Variants in SNX18 observed in about 807,000 individuals in gnomAD.
SNX18 encodes the protein sorting nexin-18.
In SNX18, 35 loss-of-function variants were observed where a neutral mutation model predicts 48.7. The ratio of observed to expected loss-of-function variants is 0.72; its 90% CI spans 0.55 to 0.95. SNX18 has a LOEUF of 0.95. Among genes scored for constraint, SNX18 ranks in the 40% least tolerant of loss-of-function variants. The pLI is 0.00. For synonymous variants in SNX18, 492 were observed against 384.7 expected (o/e 1.28, Z -3.26); for missense variants, 824 against 871.0 (o/e 0.95, Z 0.68).
chr5:54,536,226 C>T (rs1215311701), intron 1 of SNX18, among the ~76,000 whole-genome samples: 1 of 151,946 alleles, frequency 6.6e-6, no homozygotes, highest in African/African-American at 2.4e-5. Context: ...TCCTGTACTT[C>T]AAATTCATTT....
the SNX18 span, among the ~76,000 whole-genome samples, chr5:54,622,496 T>A: frequency 4.2e-4 from 64 of 151,190 alleles, 1 homozygote; most frequent in Admixed American, 4.0e-3. Flanking sequence ...AGCAAGCCAC[T>A]GTCTCAAAAA....
chr5:54,591,562 C>T, the SNX18 span, among the ~76,000 whole-genome samples: 7 of 152,216 alleles, frequency 4.6e-5, no homozygotes, highest in Admixed American at 2.0e-4. Context: ...AAAGCTTGCA[C>T]CATTTGTTGG....
the SNX18 span, among the ~76,000 whole-genome samples, chr5:54,630,404 AC>A: frequency 2.0e-5 from 3 of 152,126 alleles, no homozygotes; most frequent in Non-Finnish European, 4.4e-5. Flanking sequence ...GAGTATCTGC[AC>A]CCTCACTGCT....
the SNX18 span, among the ~76,000 whole-genome samples, chr5:54,588,306 C>CTTTATTTTTTTTTTTTTTT: frequency 1.2e-4 from 9 of 73,908 alleles, no homozygotes; most frequent in Admixed American, 1.9e-4. Flanking sequence ...TATTTCTATT[C>CTTTATTTTTTTTTTTTTTT]TTTTTTTTTT....
At chr5:54,605,837 T>G in the SNX18 span, among the ~76,000 whole-genome samples, 3 of 151,898 alleles carry the variant, frequency 2.0e-5, no homozygotes, top group Admixed American at 6.6e-5. Context: ...ATCTAAAAAC[T>G]TTTTTTTGTA....
chr5:54,594,630 A>G, the SNX18 span, among the ~76,000 whole-genome samples: 1 of 152,230 alleles, frequency 6.6e-6, no homozygotes, highest in Non-Finnish European at 1.5e-5. Flanking sequence ...AATAGCCCCC[A>G]GTTAAAACCT....
At chr5:54,599,517 T>C in the SNX18 span, among the ~76,000 whole-genome samples, 1 of 152,150 alleles carries the variant, frequency 6.6e-6, no homozygotes, top group Non-Finnish European at 1.5e-5. Flanking sequence ...AGAGCCCATA[T>C]AGCCAAGTCA....
At chr5:54,519,724 A>T in intron 1 of SNX18, 151 bp downstream of exon 1, 11 of 1,614,088 alleles carry the variant, frequency 6.8e-6, no homozygotes, top group Non-Finnish European at 9.3e-6. Context: ...TTTTCCCTAG[A>T]GTGTAAGTTG....
chr5:54,553,131 T>A, the SNX18 span, among the ~76,000 whole-genome samples: 1 of 152,052 alleles, frequency 6.6e-6, no homozygotes, highest in African/African-American at 2.4e-5. Context: ...AAGGTCCAGA[T>A]CTTAGAGGGT....
rs777484490 is a variant in SNX18, at chr5:54,518,276, G to A, written c.324G>A (p.Leu108=). 6.7e-7 allele frequency: 1 copy of A among 1,492,374 alleles called. No individual in the cohort carries two copies. The highest frequency in any genetic ancestry group is 2.3e-5 in the Admixed American group (1 of 43,588). The allele number at this position is 1,492,374 out of a possible 1,614,324, so 92.4% of individuals were successfully genotyped here. A position where few individuals can be genotyped will look rare whatever the true frequency, so the allele number is the denominator to read the frequency against. The change falls in exon 1 of 2, where the codon CTG becomes CTA. Residue 108 remains leucine, a synonymous_variant. Transcript: ENST00000381410. ...KPPPDAFQAL[L]QPQQAPPPST... The stretch of plus-strand genomic sequence containing the variant: ...CGCCTGACGCCTTCCAGGCGCTGCT[G>A]CAGCCACAGCAGGCGCCGCCTCCGA...
chr5:54,600,444 G>A, the SNX18 span, among the ~76,000 whole-genome samples: 1 of 152,244 alleles, frequency 6.6e-6, no homozygotes, highest in South Asian at 2.1e-4. Flanking sequence ...GCTAGAACCA[G>A]AAATACCATT....
Position 54,518,809 on chromosome 5 carries a change from A to T in SNX18, c.857A>T (p.Gln286Leu). ...FQCTIDDPTKQTKFKGMKSYI... is the reference protein window; with the variant it reads ...FQCTIDDPTKLTKFKGMKSYI... ...TGCACCATCGACGACCCCACCAAGC[A>T]GACCAAGTTCAAGGGCATGAAGAGC... is the stretch of plus-strand genomic sequence containing the variant. Residue 286 changes from glutamine to leucine, a missense_variant, in exon 1 of 2, where the codon CAG becomes CTG. Transcript: ENST00000381410. The T allele has an allele frequency of 6.2e-7, 1 of 1,605,170 alleles. No homozygotes were observed.
intron 1 of SNX18, among the ~76,000 whole-genome samples, chr5:54,537,149 G>T (rs1762373023): frequency 6.6e-6 from 1 of 152,300 alleles, no homozygotes; most frequent in South Asian, 2.1e-4. Flanking sequence ...GGACAACATG[G>T]TGAAACCTTG....
At chr5:54,523,506 G>A (rs999339280) in intron 1 of SNX18, among the ~76,000 whole-genome samples, 2 of 152,184 alleles carry the variant, frequency 1.3e-5, no homozygotes, top group African/African-American at 4.8e-5. Flanking sequence ...GTTCCTTTAA[G>A]TGAAATGTCT....
chr5:54,550,105 C>T (rs1213941312), downstream of SNX18, among the ~76,000 whole-genome samples: 2 of 152,204 alleles, frequency 1.3e-5, no homozygotes, highest in African/African-American at 4.8e-5. Context: ...TTTTTAGTCA[C>T]TTTTTAAAAA....
At chr5:54,624,907 T>C in the SNX18 span, among the ~76,000 whole-genome samples, 1 of 152,080 alleles carries the variant, frequency 6.6e-6, no homozygotes, top group Admixed American at 6.6e-5. Flanking sequence ...CCCCGTAAAA[T>C]GTGGTTTTGC....
chr5:54,637,431 G>A, the SNX18 span, among the ~76,000 whole-genome samples: 2 of 151,968 alleles, frequency 1.3e-5, no homozygotes, highest in Non-Finnish European at 1.5e-5. Context: ...TATTTTATTA[G>A]TGTCAATTTT....
At chr5:54,555,350 T>G in the SNX18 span, among the ~76,000 whole-genome samples, 1 of 152,110 alleles carries the variant, frequency 6.6e-6, no homozygotes, top group East Asian at 1.9e-4. Flanking sequence ...CATTTTCCAG[T>G]GTTCAGCATA....
chr5:54,581,338 G>A, the SNX18 span, among the ~76,000 whole-genome samples: 1 of 152,162 alleles, frequency 6.6e-6, no homozygotes, highest in Non-Finnish European at 1.5e-5. Flanking sequence ...AAGTTAGGAA[G>A]CAATTGTCTA....
Sources: gnomAD v4.1 joint callset for allele counts (sites outside exome capture counted in the v4.1 genomes callset) on GRCh38, gnomAD v4.1.1 for gene constraint, MANE v1.5 for transcripts, NCBI Gene and HGNC (gene_info 2026-07-23, HGNC 2026-07-21) for gene names.